EVI5: variants seen among roughly 807,000 people sequenced by gnomAD.
EVI5 encodes the protein ecotropic viral integration site 5.
In EVI5, 73 loss-of-function variants were observed where a neutral mutation model predicts 112.0. The observed-to-expected ratio is 0.65, with a 90% CI of 0.54 to 0.79. The LOEUF (loss-of-function observed/expected upper bound fraction) is 0.79. Ranked by LOEUF, EVI5 falls within the 30% of genes least tolerant of loss-of-function variation. EVI5 has a pLI of 0.00. For synonymous variants in EVI5, 305 were observed against 319.9 expected, an observed-to-expected ratio of 0.95 and a Z score of 0.50; for missense variants, 900 against 968.8, an observed-to-expected ratio of 0.93 and a Z score of 0.94.
intron 18 of EVI5, among the ~76,000 whole-genome samples, chr1:92,601,294 G>A (rs2101527150): frequency 6.6e-6 from 1 of 152,204 alleles, no homozygotes; most frequent in Non-Finnish European, 1.5e-5. Flanking sequence ...ACACACTGTG[G>A]GTAGAAATGT....
intron 13 of EVI5, among the ~76,000 whole-genome samples, chr1:92,636,902 G>A (rs1057339114): frequency 6.6e-6 from 1 of 151,826 alleles, no homozygotes; most frequent in East Asian, 1.9e-4. Context: ...TTTAATGTGG[G>A]TATTAGAAAA....
At position 92,785,078 on chromosome 1, in the gene EVI5, G is replaced by C. The variant is rs1685457613; in HGVS notation, c.-324C>G. On this transcript the variant is annotated 5_prime_UTR_variant, in exon 1 of 20. Coordinates refer to ENST00000684568, the MANE Select transcript of EVI5 (RefSeq NM_001350197.2). ...TGCCAGCTGGCCAGCTGGTTCCTCC[G>C]GGGTCCGGCCCGGCCGCGTCAGGAG... 1 of 985,454 alleles carries C rather than the reference G, an allele frequency of 1.0e-6. No homozygotes were observed. The highest frequency in any genetic ancestry group is 1.2e-6 in the Non-Finnish European group (1 of 830,014). 61.0% of individuals were successfully genotyped at this position (985,454 alleles called of 1,614,324 possible).
At position 92,607,618 on chromosome 1, in the gene EVI5, C is replaced by A; in HGVS notation, c.1937G>T (p.Ser646Ile). Residue 646 changes from serine to isoleucine, a missense_variant, in exon 17 of 20, where the codon AGT (serine) becomes ATT (isoleucine). Physicochemically the swap from Ser to Ile is moderately radical, Grantham distance 142. Coordinates refer to ENST00000684568, the MANE Select transcript of EVI5 (RefSeq NM_001350197.2). ...AQNKGLLTQLSEAKRKQAEIE... is the reference protein window; with the variant it reads ...AQNKGLLTQLIEAKRKQAEIE... ...CTCTGCTTGTTTACGCTTTGCTTCA[C>A]TTAATTGAGTAAGGAGTCCTTTGTT... 6.3e-7 allele frequency: 1 copy of A among 1,598,950 alleles called. No homozygotes were observed. Among genetic ancestry groups the A allele is most frequent in the Non-Finnish European group, 8.5e-7 (1 of 1,175,498 alleles).
chr1:92,591,987 T>C (rs991060154), intron 18 of EVI5, among the ~76,000 whole-genome samples: 9 of 152,188 alleles, frequency 5.9e-5, no homozygotes, highest in African/African-American at 2.2e-4. Flanking sequence ...CTCACGCTTG[T>C]AATCCCAGCA....
intron 4 of EVI5, 148 bp from the exon 5 acceptor site, chr1:92,702,363 A>G: frequency 2.3e-6 from 1 of 438,726 alleles, no homozygotes; most frequent in East Asian, 4.2e-5. Context: ...TATCCTATAC[A>G]TATTTAAAAA....
chr1:92,529,171 A>G (rs1261301330), intron 19 of EVI5, among the ~76,000 whole-genome samples: 1 of 152,204 alleles, frequency 6.6e-6, no homozygotes, highest in Non-Finnish European at 1.5e-5. Flanking sequence ...TATCCTCTTC[A>G]TATAGACCCA....
chr1:92,727,902 A>G (rs1331372707), intron 2 of EVI5, among the ~76,000 whole-genome samples: 1 of 151,844 alleles, frequency 6.6e-6, no homozygotes, highest in Non-Finnish European at 1.5e-5. Flanking sequence ...GCTGAGATGG[A>G]AGAACTGCTT....
chr1:92,561,593 ATCTATCTAATCTATCCTATCTATCT>A (rs1668570215), intron 19 of EVI5, among the ~76,000 whole-genome samples: 1 of 149,092 alleles, frequency 6.7e-6, no homozygotes, highest in Non-Finnish European at 1.5e-5. Context: ...CTATCTATCT[ATCTATCTAATCTATCCTATCTATCT>A]ATCTATCTAT....
chr1:92,671,804 CTTTTT>C (rs543142314), intron 10 of EVI5, among the ~76,000 whole-genome samples: 1 of 141,722 alleles, frequency 7.1e-6, no homozygotes, highest in Non-Finnish European at 1.5e-5. Flanking sequence ...CCACCATCAT[CTTTTT>C]TTTTTTTTTT....
intron 2 of EVI5, among the ~76,000 whole-genome samples, chr1:92,735,254 C>T (rs1050193169): frequency 1.3e-5 from 2 of 152,106 alleles, no homozygotes; most frequent in Non-Finnish European, 2.9e-5. Flanking sequence ...TGTGCTATAA[C>T]ATGACTTTCA....
chr1:92,610,881 G>A (rs140215592), intron 16 of EVI5, among the ~76,000 whole-genome samples: 2,008 of 151,930 alleles, frequency 0.013, 23 homozygotes, highest in Non-Finnish European at 0.021. Context: ...CTCACCCACA[G>A]GTGGGAATTG....
chr1:92,611,840 T>C (rs1412419092), intron 16 of EVI5, among the ~76,000 whole-genome samples: 1 of 151,758 alleles, frequency 6.6e-6, no homozygotes, highest in Non-Finnish European at 1.5e-5. Context: ...GGTCAGGAGC[T>C]TGAGGCTGTA....
chr1:92,676,664 A>T lies in EVI5; in HGVS notation c.1158+494T>A, dbSNP rs188744807. Among the ~76,000 whole-genome samples, 3 of 152,246 alleles carry T rather than the reference A, an allele frequency of 2.0e-5. No homozygotes were observed. In the East Asian group the frequency reaches 5.8e-4, roughly 29 times the overall value. The stretch of plus-strand genomic sequence containing the variant: ...TATTTATATGCCCTTCGAATTGAAA[A>T]TCTGCTTGATTTTCTGGAGAGGAGT... On this transcript the variant is annotated intron_variant, in intron 10 of 19. Transcript: ENST00000684568.
rs3042578 is a variant in EVI5, at chr1:92,747,716, C to CAAAAAAAAAAAAAAAAAAAAA, written c.-81-11090_-81-11089insTTTTTTTTTTTTTTTTTTTTT. ...GTGACAGAGCCAGACTCCATCTCAC[C>CAAAAAAAAAAAAAAAAAAAAA]AAAAAAAAAAACAAAAAAAAAAACC... On this transcript the variant is annotated intron_variant, in intron 1 of 19. Coordinates refer to ENST00000684568, the MANE Select transcript of EVI5 (RefSeq NM_001350197.2). Among the ~76,000 whole-genome samples the CAAAAAAAAAAAAAAAAAAAAA allele has an allele frequency of 4.8e-5, 4 of 83,546 alleles. 2 individuals are homozygous for CAAAAAAAAAAAAAAAAAAAAA. The allele number at this position is 83,546 out of a possible 152,430, so 54.8% of individuals were successfully genotyped here.
intron 1 of EVI5, among the ~76,000 whole-genome samples, chr1:92,766,317 A>G (rs993486240): frequency 2.0e-5 from 3 of 151,786 alleles, no homozygotes; most frequent in Non-Finnish European, 4.4e-5. Flanking sequence ...TTTTTTTAAA[A>G]AAAGGATATC....
chr1:92,684,187 G>A (rs925470750), intron 9 of EVI5, among the ~76,000 whole-genome samples: 2 of 152,148 alleles, frequency 1.3e-5, no homozygotes, highest in African/African-American at 4.8e-5. Context: ...AAGCCCATCA[G>A]ACTAACAGCG....
intron 1 of EVI5, among the ~76,000 whole-genome samples, chr1:92,751,019 G>A (rs1287049126): frequency 4.6e-5 from 7 of 152,036 alleles, no homozygotes; most frequent in South Asian, 2.1e-4. Flanking sequence ...GCATGGTGGC[G>A]GGCACCTGTA....
intron 2 of EVI5, among the ~76,000 whole-genome samples, chr1:92,728,416 T>G (rs1057468295): frequency 6.6e-5 from 10 of 151,920 alleles, no homozygotes; most frequent in African/African-American, 2.4e-4. Context: ...AGTCTCGCTC[T>G]GTCGCCCAGG....
intron 2 of EVI5, among the ~76,000 whole-genome samples, chr1:92,710,121 T>C (rs888322885): frequency 2.2e-5 from 3 of 133,604 alleles, no homozygotes; most frequent in Non-Finnish European, 4.7e-5. Context: ...GGCAGGTGGA[T>C]TGCTTGAGCC....
Sources: gnomAD v4.1 joint callset for allele counts (sites outside exome capture counted in the v4.1 genomes callset) on GRCh38, gnomAD v4.1.1 for gene constraint, MANE v1.5 for transcripts, NCBI Gene and HGNC (gene_info 2026-07-23, HGNC 2026-07-21) for gene names.